Variants in GNAS observed in about 807,000 individuals in gnomAD.
GNAS encodes protein ALEX.
In GNAS, 8 loss-of-function variants were observed where a neutral mutation model predicts 54.5. The observed-to-expected ratio is 0.15, with a 90% CI of 0.09 to 0.26. GNAS has a LOEUF of 0.26. GNAS is among the 10% of genes least tolerant of loss of function. The probability of loss-of-function intolerance (pLI) is 1.00; values close to 1 mark genes in which losing one functional copy is unlikely to be tolerated. For missense variants in GNAS, 170 were observed against 529.8 expected (o/e 0.32, Z 6.67); for synonymous variants, 204 against 191.4 (o/e 1.07, Z -0.54).
chr20:58,909,867 A>G lies in GNAS; in HGVS notation c.839+63A>G. 2 of 1,612,756 alleles carry G rather than the reference A, an allele frequency of 1.2e-6. No homozygotes were observed. Among genetic ancestry groups the G allele is most frequent in the South Asian group, 2.2e-5 (2 of 91,030 alleles). On this transcript the variant is annotated intron_variant, in intron 10 of 12. Transcript: ENST00000371085. The surrounding 1 kb of genome is among the most constrained non-coding windows in gnomAD (Gnocchi z 7.3). ...GGAGGCCCTGGTCTGCACTGTTTAT[A>G]GAGAAGAACCCCGTGCAAGCATTCC...
chr20:58,852,976 G>A, intron 1 of GNAS: 2 of 1,172,408 alleles, frequency 1.7e-6, no homozygotes, highest in Non-Finnish European at 2.1e-6. Context: ...AGAGAGGAGG[G>A]CGTAAGGATA....
chr20:58,890,311 GGGGCGCCGAGGA>G (rs1414153983), upstream of GNAS, among the ~76,000 whole-genome samples: 1,441 of 147,860 alleles, frequency 9.7e-3, 23 homozygotes, highest in African/African-American at 0.033. Flanking sequence ...GGCGCCGTCG[GGGGCGCCGAGGA>G]GGGCGCCGCC....
upstream of GNAS, chr20:58,889,697 TAGGC>T (rs987790044): frequency 1.3e-5 from 2 of 151,470 alleles, no homozygotes; most frequent in African/African-American, 2.4e-5. Context: ...CGCTAACTCT[TAGGC>T]AGCCAGCCCA....
intron 1 of GNAS, chr20:58,884,277 T>A (rs2088443907): frequency 6.6e-6 from 1 of 152,218 alleles, no homozygotes; most frequent in South Asian, 2.1e-4. Flanking sequence ...CTAAACAAAA[T>A]GAATTGCCTG....
Position 58,891,726 on chromosome 20 carries a change from C to A in GNAS, c.-1C>A. On this transcript the variant is annotated 5_prime_UTR_variant, in exon 1 of 13. Transcript: ENST00000371085. ...CGCGCCCCGCCGCCGCCGCCGCCGC[C>A]ATGGGCTGCCTCGGGAACAGTAAGA... The A allele has an allele frequency of 8.7e-7, 1 of 1,149,586 alleles. No individual in the cohort carries two copies. Among genetic ancestry groups the A allele is most frequent in the South Asian group, 2.1e-5 (1 of 47,490 alleles). 71.2% of individuals were successfully genotyped at this position (1,149,586 alleles called of 1,614,324 possible). A position where few individuals can be genotyped will look rare whatever the true frequency, so the allele number is the denominator to read the frequency against.
chr20:58,892,722 AC>A (rs1170229885), intron 1 of GNAS, among the ~76,000 whole-genome samples: 16 of 151,664 alleles, frequency 1.1e-4, no homozygotes, highest in Admixed American at 1.0e-3. Flanking sequence ...AAATAAGACC[AC>A]CCCCCAACAC....
chr20:58,841,606 G>A lies in GNAS; in HGVS notation c.43+720G>A, dbSNP rs530814609. The stretch of plus-strand genomic sequence containing the variant: ...ACAGAGACCGCCTCAAAGAGCGTGC[G>A]CACCTGCCCGCGCGCGCCGGAGCTG... On this transcript the variant is annotated intron_variant, in intron 1 of 12. Coordinates refer to the GNAS transcript ENST00000306090. The surrounding 1 kb of genome is among the most constrained non-coding windows in gnomAD (Gnocchi z 5.0). 9.7e-7 allele frequency: 1 copy of A among 1,034,102 alleles called. No homozygotes were observed. The highest frequency in any genetic ancestry group is 1.2e-6 in the Non-Finnish European group (1 of 862,012). 64.1% of individuals were successfully genotyped at this position (1,034,102 alleles called of 1,614,324 possible). A position where few individuals can be genotyped will look rare whatever the true frequency, so the allele number is the denominator to read the frequency against.
At chr20:58,851,271 G>A (rs2086161536) in intron 1 of GNAS, among the ~76,000 whole-genome samples, 1 of 152,216 alleles carries the variant, frequency 6.6e-6, no homozygotes, top group Non-Finnish European at 1.5e-5. Flanking sequence ...GATGCACGGT[G>A]CCTGTGGTAC....
At chr20:58,874,566 TG>T (rs2087665950) in intron 1 of GNAS, among the ~76,000 whole-genome samples, 1 of 152,262 alleles carries the variant, frequency 6.6e-6, no homozygotes, top group Non-Finnish European at 1.5e-5. Context: ...GCTCTTGGGC[TG>T]GCCCCCGTCT....
intron 1 of GNAS, chr20:58,884,767 A>G (rs1169029990): frequency 6.6e-6 from 1 of 152,252 alleles, no homozygotes; most frequent in Non-Finnish European, 1.5e-5. Context: ...GTAGAGCGGC[A>G]AAACTCTTAA....
chr20:58,876,175 T>G (rs1204360561), intron 1 of GNAS, among the ~76,000 whole-genome samples: 8 of 152,312 alleles, frequency 5.3e-5, no homozygotes, highest in Non-Finnish European at 1.0e-4. Flanking sequence ...AGCCTGCCAA[T>G]TAAGTTCCCC....
intron 1 of GNAS, among the ~76,000 whole-genome samples, chr20:58,847,992 C>T (rs1358208939): frequency 2.0e-5 from 3 of 152,178 alleles, no homozygotes; most frequent in African/African-American, 7.2e-5. Flanking sequence ...AGGAACGGGG[C>T]TGTAATGGTG....
intron 1 of GNAS, among the ~76,000 whole-genome samples, chr20:58,883,365 C>T (rs1012529328): frequency 1.5e-4 from 23 of 151,964 alleles, no homozygotes; most frequent in Admixed American, 1.0e-3. Flanking sequence ...CTAAGGCAAC[C>T]GAAAAACAGG....
chr20:58,898,094 C>T (rs1285988527), intron 2 of GNAS: 1 of 152,190 alleles, frequency 6.6e-6, no homozygotes, highest in African/African-American at 2.4e-5. Context: ...AAAACTAACT[C>T]TGTTTCTTAC....
chr20:58,872,198 C>G lies in GNAS; in HGVS notation c.44-23414C>G, dbSNP rs147882135. On this transcript the variant is annotated intron_variant, in intron 1 of 12. Coordinates refer to the GNAS transcript ENST00000306090. ...AAGTGTTTACCTCCTGATTCTAAAACGATGGTCCAATTTTTGTTTTATTTT... is the reference window on the plus strand; with the variant it reads ...AAGTGTTTACCTCCTGATTCTAAAAGGATGGTCCAATTTTTGTTTTATTTT... 1.6e-4 allele frequency among the ~76,000 whole-genome samples: 25 copies of G among 152,304 alleles called. No individual in the cohort carries two copies. In the East Asian group the frequency reaches 4.6e-3, roughly 28 times the overall value.
At position 58,840,855 on chromosome 20, in the gene GNAS, C is replaced by G; in HGVS notation, c.12C>G (p.Ala4=). 6.2e-7 allele frequency: 1 copy of G among 1,612,784 alleles called. No individual in the cohort carries two copies. The highest frequency in any genetic ancestry group is 8.5e-7 in the Non-Finnish European group (1 of 1,179,928). The change falls in exon 1 of 13, where the codon GCC becomes GCG. Residue 4 remains alanine, a synonymous_variant. Transcript: ENST00000306090. The surrounding 1 kb of genome is among the most constrained non-coding windows in gnomAD (Gnocchi z 6.0). ...ATCCGGCGTCACTAATGGAGGACGCCGTCCAGATTCTCCTTGTTTTCATGG... is the reference window on the plus strand; with the variant it reads ...ATCCGGCGTCACTAATGGAGGACGCGGTCCAGATTCTCCTTGTTTTCATGG...
At chr20:58,865,529 C>A (rs111976098) in intron 1 of GNAS, among the ~76,000 whole-genome samples, 6,149 of 144,308 alleles carry the variant, frequency 0.043, 192 homozygotes, top group African/African-American at 0.085. Flanking sequence ...TATATATCAT[C>A]TATAATATAA....
intron 1 of GNAS, among the ~76,000 whole-genome samples, chr20:58,858,075 T>C (rs994309088): frequency 3.9e-5 from 6 of 152,216 alleles, no homozygotes; most frequent in African/African-American, 1.4e-4. Flanking sequence ...AGAGGTGACG[T>C]ACCTCTTCTG....
At chr20:58,850,446 A>T (rs2086113793) in intron 1 of GNAS, 1 of 397,760 alleles carries the variant, frequency 2.5e-6, no homozygotes, top group Non-Finnish European at 4.4e-6. Flanking sequence ...TTTGGGGGTG[A>T]GCGCGAGGCC....
Sources: gnomAD v4.1 joint callset for allele counts (sites outside exome capture counted in the v4.1 genomes callset) on GRCh38, gnomAD v4.1.1 for gene constraint, Gnocchi (gnomAD v3.1) non-coding constraint, MANE v1.5 for transcripts, NCBI Gene and HGNC (gene_info 2026-07-23, HGNC 2026-07-21) for gene names.